The following CPA6 variants were observed in gnomAD, a reference collection of about 807,000 sequenced individuals.
CPA6 encodes the protein carboxypeptidase A6, also known as carboxypeptidase B.
CPA6 carries 58 observed loss-of-function variants against 63.3 expected under a neutral mutation model. The ratio of observed to expected loss-of-function variants is 0.92; its 90% CI spans 0.74 to 1.14. CPA6 has a LOEUF of 1.14. Among genes scored for constraint, CPA6 ranks in the 50% most tolerant of loss-of-function variants. CPA6 has a pLI of 0.00. For missense variants in CPA6, 565 were observed against 526.6 expected, an observed-to-expected ratio of 1.07 and a Z score of -0.71; for synonymous variants, 185 against 179.0, an observed-to-expected ratio of 1.03 and a Z score of -0.27.
intron 1 of CPA6, among the ~76,000 whole-genome samples, chr8:67,665,361 T>A (rs1367619235): frequency 6.6e-6 from 1 of 152,172 alleles, no homozygotes; most frequent in Non-Finnish European, 1.5e-5. Context: ...CTGACCTCAA[T>A]TTTCAGTGCT....
At chr8:67,701,773 C>A (rs1221112898) in intron 1 of CPA6, among the ~76,000 whole-genome samples, 1 of 152,210 alleles carries the variant, frequency 6.6e-6, no homozygotes, top group Non-Finnish European at 1.5e-5. Context: ...GGGTGGCAAA[C>A]AAGAGAAGCC....
At chr8:67,468,083 A>G (rs1461448370) in intron 8 of CPA6, among the ~76,000 whole-genome samples, 5 of 151,682 alleles carry the variant, frequency 3.3e-5, no homozygotes, top group African/African-American at 1.2e-4. Context: ...TAACCCCAAA[A>G]AACAATCTGT....
In CPA6 at chr8:67,447,037, C is replaced by T. The variant is rs112868400; in HGVS notation, c.839-12797G>A. Among the ~76,000 whole-genome samples the T allele has an allele frequency of 1.3e-3, 157 of 123,046 alleles. 1 individual carries two copies. The highest frequency in any genetic ancestry group is 5.7e-3 in the African/African-American group (128 of 22,618). The allele number at this position is 123,046 out of a possible 152,430, so 80.7% of individuals were successfully genotyped here. A position where few individuals can be genotyped will look rare whatever the true frequency, so the allele number is the denominator to read the frequency against. Reference sequence around the variant, plus strand: ...ATACACACACACATATATATACACACATATATATATACACACACATATATA... The same window carrying T: ...ATACACACACACATATATATACACATATATATATATACACACACATATATA... On this transcript the variant is annotated intron_variant, in intron 8 of 10. Coordinates refer to ENST00000297770, the MANE Select transcript of CPA6 (RefSeq NM_020361.5).
At chr8:67,426,319 T>A (rs1258808309) in intron 10 of CPA6, among the ~76,000 whole-genome samples, 1 of 152,242 alleles carries the variant, frequency 6.6e-6, no homozygotes, top group Non-Finnish European at 1.5e-5. Context: ...TATAATACTC[T>A]GACTGTGACT....
chr8:67,678,575 A>T (rs912926622), intron 1 of CPA6, among the ~76,000 whole-genome samples: 1 of 152,210 alleles, frequency 6.6e-6, no homozygotes, highest in Non-Finnish European at 1.5e-5. Flanking sequence ...TCAATGCAAC[A>T]CCATCATGTA....
chr8:67,586,103 G>T (rs1003686602), intron 2 of CPA6, among the ~76,000 whole-genome samples: 7 of 152,166 alleles, frequency 4.6e-5, no homozygotes, highest in African/African-American at 1.7e-4. Context: ...GCTTATGGAG[G>T]AGTAGGCAAT....
rs145640832 is a variant in CPA6 at position 67,561,647 on chromosome 8, A to G, written c.193-43600T>C. The stretch of plus-strand genomic sequence containing the variant: ...ATTCTGTACTAGATGCTTTTACTAT[A>G]AAGGCCATTATTGGGAGAATTGGTG... On this transcript the variant is annotated intron_variant, in intron 2 of 10. Coordinates refer to ENST00000297770, the MANE Select transcript of CPA6 (RefSeq NM_020361.5). 6.6e-5 allele frequency among the ~76,000 whole-genome samples: 10 copies of G among 152,308 alleles called. No individual in the cohort carries two copies. In the East Asian group the frequency reaches 1.9e-3, roughly 29 times the overall value.
chr8:67,537,550 C>A (rs1466039560), intron 2 of CPA6, among the ~76,000 whole-genome samples: 1 of 152,052 alleles, frequency 6.6e-6, no homozygotes, highest in Admixed American at 6.6e-5. Context: ...TCCCCTTTGT[C>A]ATTTTTTTAT....
At chr8:67,540,222 T>G (rs1353573617) in intron 2 of CPA6, among the ~76,000 whole-genome samples, 1 of 152,136 alleles carries the variant, frequency 6.6e-6, no homozygotes, top group Non-Finnish European at 1.5e-5. Flanking sequence ...TTGATGCTAT[T>G]GCTTTTTGTT....
chr8:67,436,436 G>A lies in CPA6; in HGVS notation c.839-2196C>T, dbSNP rs1199484147. ...AGAAGATGTGTATATTTTTGGCAAC[G>A]ACCAAAAAAAAAGAAAGAAAAGGCT... On this transcript the variant is annotated intron_variant, in intron 8 of 10. Coordinates refer to ENST00000297770, the MANE Select transcript of CPA6 (RefSeq NM_020361.5). Among the ~76,000 whole-genome samples the A allele has an allele frequency of 2.3e-4, 29 of 126,648 alleles. 1 individual carries two copies. Among genetic ancestry groups the A allele is most frequent in the African/African-American group, 1.1e-3 (26 of 24,182 alleles). The allele number at this position is 126,648 out of a possible 152,430, so 83.1% of individuals were successfully genotyped here.
At chr8:67,695,117 C>T (rs1157969080) in intron 1 of CPA6, among the ~76,000 whole-genome samples, 2 of 152,114 alleles carry the variant, frequency 1.3e-5, no homozygotes, top group Non-Finnish European at 2.9e-5. Context: ...TGGATAGAAT[C>T]CACTTGATTA....
At chr8:67,621,466 ATAAAC>A (rs1468684843) in intron 2 of CPA6, among the ~76,000 whole-genome samples, 1 of 152,228 alleles carries the variant, frequency 6.6e-6, no homozygotes, top group Non-Finnish European at 1.5e-5. Flanking sequence ...GAAAATCAGA[ATAAAC>A]TGACTAGAGG....
chr8:67,663,349 GCAAGCA>G (rs1816159117), intron 1 of CPA6, among the ~76,000 whole-genome samples: 1 of 152,126 alleles, frequency 6.6e-6, no homozygotes, highest in Non-Finnish European at 1.5e-5. Context: ...GCTTGAGGTA[GCAAGCA>G]CAAACTTTTT....
intron 3 of CPA6, among the ~76,000 whole-genome samples, chr8:67,512,364 C>G (rs556668667): frequency 3.5e-4 from 53 of 152,216 alleles, no homozygotes; most frequent in Non-Finnish European, 7.2e-4. Flanking sequence ...GGAAAAGAAG[C>G]TACAGTCCTC....
chr8:67,470,517 A>G (rs1246539696), intron 8 of CPA6, among the ~76,000 whole-genome samples: 1 of 152,078 alleles, frequency 6.6e-6, no homozygotes, highest in Non-Finnish European at 1.5e-5. Flanking sequence ...TCATTCTCTC[A>G]TGTTTGTTTA....
chr8:67,694,946 C>T (rs1354521120), intron 1 of CPA6, among the ~76,000 whole-genome samples: 1 of 151,890 alleles, frequency 6.6e-6, no homozygotes, highest in African/African-American at 2.4e-5. Flanking sequence ...TGGTTAGGAG[C>T]TTGGAAGGAA....
rs1415790471 is a variant in CPA6, at chr8:67,607,231, C to G, written c.192+16945G>C. Among the ~76,000 whole-genome samples the G allele has an allele frequency of 4.3e-5, 5 of 117,274 alleles. No individual in the cohort carries two copies. In the East Asian group the frequency reaches 1.3e-3, roughly 30 times the overall value. 76.9% of individuals were successfully genotyped at this position (117,274 alleles called of 152,430 possible). On this transcript the variant is annotated intron_variant, in intron 2 of 10. Transcript: ENST00000297770. ...TCTTCTTCTTCTTCTTCTTCTTCTTCTTCTTCTTCTTCTTCTTCTTCTCCT... is the reference window on the plus strand; with the variant it reads ...TCTTCTTCTTCTTCTTCTTCTTCTTGTTCTTCTTCTTCTTCTTCTTCTCCT...
intron 1 of CPA6, among the ~76,000 whole-genome samples, chr8:67,663,167 A>G (rs1390902836): frequency 6.6e-6 from 1 of 152,172 alleles, no homozygotes; most frequent in African/African-American, 2.4e-5. Flanking sequence ...CTCAGAGAAA[A>G]ACAGCTCTAA....
intron 8 of CPA6, among the ~76,000 whole-genome samples, chr8:67,482,020 C>T (rs991755984): frequency 4.6e-5 from 7 of 152,176 alleles, no homozygotes; most frequent in Non-Finnish European, 7.4e-5. Flanking sequence ...AAAATCAGAA[C>T]GATTCAAAAC....
Sources: gnomAD v4.1 joint callset for allele counts (sites outside exome capture counted in the v4.1 genomes callset) on GRCh38, gnomAD v4.1.1 for gene constraint, MANE v1.5 for transcripts, NCBI Gene and HGNC (gene_info 2026-07-23, HGNC 2026-07-21) for gene names.